The following C5 variants were observed in gnomAD, a reference collection of about 807,000 sequenced individuals.
C5 encodes C3 and PZP-like alpha-2-macroglobulin domain-containing protein 4.
C5 carries 140 observed loss-of-function variants against 218.8 expected under a neutral mutation model. The ratio of observed to expected loss-of-function variants is 0.64; its 90% confidence interval spans 0.56 to 0.74. The LOEUF is 0.74. Among genes scored for constraint, C5 ranks in the 30% least tolerant of loss-of-function variants. The pLI is 0.00. For synonymous variants in C5, 614 were observed against 682.3 expected (o/e 0.90, Z 1.56); for missense variants, 1,700 against 1,969.6 (o/e 0.86, Z 2.59).
the C5 span, among the ~76,000 whole-genome samples, chr9:121,063,606 A>G: frequency 6.6e-6 from 1 of 152,038 alleles, no homozygotes; most frequent in Non-Finnish European, 1.5e-5. Flanking sequence ...TTAAAACTGG[A>G]ATTTAAAAAA....
At position 120,982,727 on chromosome 9, in the gene C5, C is replaced by A; in HGVS notation, c.3318G>T (p.Trp1106Cys). ...TATCTAATTGATAATTCTCAACTAG[C>A]CACAATAAAGAATTACAAATTGAAT... The part of the protein sequence containing the change: ...NQNSICNSLL[W>C]LVENYQLDNG... The change falls in exon 26 of 41, where the codon TGG becomes TGT. Residue 1106 changes from tryptophan to cysteine, a missense_variant. Coordinates refer to ENST00000223642, the MANE Select transcript of C5 (RefSeq NM_001735.3). The A allele has an allele frequency of 1.9e-6, 3 of 1,602,856 alleles. No homozygotes were observed. Among genetic ancestry groups the A allele is most frequent in the Non-Finnish European group, 2.6e-6 (3 of 1,170,278 alleles).
At chr9:120,974,696 T>C (rs1014468363) in intron 30 of C5, 83 bp downstream of exon 30, 11 of 1,259,274 alleles carry the variant, frequency 8.7e-6, no homozygotes, top group Middle Eastern at 2.0e-4. Flanking sequence ...AGTGAAGAGA[T>C]AGATTTATAA....
intron 20 of C5, among the ~76,000 whole-genome samples, chr9:121,005,649 C>A (rs141159516): frequency 6.9e-4 from 105 of 152,206 alleles, no homozygotes; most frequent in Non-Finnish European, 1.1e-3. Flanking sequence ...ATGAATTCAC[C>A]CTTCTCTGGA....
the C5 span, among the ~76,000 whole-genome samples, chr9:121,065,340 G>T: frequency 6.6e-6 from 1 of 152,114 alleles, no homozygotes. Context: ...AGAAAATTGC[G>T]GAGAAAATTG....
intron 7 of C5, among the ~76,000 whole-genome samples, chr9:121,028,611 G>T (rs184509938): frequency 6.6e-6 from 1 of 152,096 alleles, no homozygotes; most frequent in South Asian, 2.1e-4. Flanking sequence ...ACCAAATGCC[G>T]CATGTTCTCA....
intron 3 of C5, among the ~76,000 whole-genome samples, chr9:121,038,799 A>G (rs2047552250): frequency 1.3e-5 from 2 of 152,258 alleles, no homozygotes; most frequent in African/African-American, 4.8e-5. Flanking sequence ...AAAGCTCTAT[A>G]TAAGAAGCCA....
intron 30 of C5, among the ~76,000 whole-genome samples, chr9:120,973,301 C>G (rs868723148): frequency 1.2e-4 from 18 of 152,144 alleles, no homozygotes; most frequent in Middle Eastern, 3.2e-3. Flanking sequence ...CCTCAGGTAG[C>G]TGGAAGGTCA....
chr9:120,963,135 A>T (rs573129443), intron 34 of C5, among the ~76,000 whole-genome samples, 168 bp from the exon 35 acceptor site: 1 of 152,246 alleles, frequency 6.6e-6, no homozygotes, highest in Non-Finnish European at 1.5e-5. Context: ...ATATAAACTC[A>T]TATTTTACAG....
intron 18 of C5, among the ~76,000 whole-genome samples, chr9:121,007,626 G>A (rs2047226412): frequency 6.6e-6 from 1 of 152,188 alleles, no homozygotes; most frequent in Non-Finnish European, 1.5e-5. Context: ...ACAGTAATCT[G>A]AATTTAGTTC....
intron 2 of C5, 63 bp from the exon 3 acceptor site, chr9:121,043,229 T>G: frequency 1.6e-6 from 2 of 1,285,386 alleles, no homozygotes; most frequent in South Asian, 1.3e-5. Context: ...CCATTAACTT[T>G]CTAAATACAA....
intron 20 of C5, among the ~76,000 whole-genome samples, chr9:121,004,245 CTAA>C (rs1026037778): frequency 6.6e-6 from 1 of 151,868 alleles, no homozygotes; most frequent in African/African-American, 2.4e-5. Context: ...CAATAGTATA[CTAA>C]TAATAATATT....
intron 22 of C5, among the ~76,000 whole-genome samples, chr9:120,991,507 T>C (rs749341080): frequency 2.0e-5 from 3 of 152,230 alleles, no homozygotes; most frequent in Non-Finnish European, 4.4e-5. Context: ...TTCCTGGTCA[T>C]TATAAGATGT....
chr9:121,007,575 AC>A (rs1192596423), intron 18 of C5, among the ~76,000 whole-genome samples: 1 of 152,246 alleles, frequency 6.6e-6, no homozygotes, highest in African/African-American at 2.4e-5. Context: ...TTCGTTCAAC[AC>A]ATTTATTTTC....
intron 21 of C5, 62 bp from the exon 22 acceptor site, chr9:120,996,362 G>T: frequency 7.0e-7 from 1 of 1,435,784 alleles, no homozygotes; most frequent in Non-Finnish European, 9.8e-7. Context: ...GAATTCCCTG[G>T]ATCAACTTTT....
At chr9:120,959,644 A>G (rs1386864436) in intron 38 of C5, among the ~76,000 whole-genome samples, 1 of 152,188 alleles carries the variant, frequency 6.6e-6, no homozygotes, top group East Asian at 1.9e-4. Context: ...CCAGCAATAA[A>G]CATCAAAAAC....
At chr9:120,988,747 T>C (rs539320225) in intron 25 of C5, among the ~76,000 whole-genome samples, 1 of 152,296 alleles carries the variant, frequency 6.6e-6, no homozygotes, top group Admixed American at 6.5e-5. Flanking sequence ...GAGTATATAC[T>C]GAAGAGGATC....
chr9:120,979,771 C>A, intron 28 of C5: 1 of 334,484 alleles, frequency 3.0e-6, no homozygotes. Context: ...ACCTGTAGTC[C>A]CAGCTACTGA....
At chr9:120,998,576 T>C (rs1008602630) in intron 20 of C5, among the ~76,000 whole-genome samples, 4 of 152,214 alleles carry the variant, frequency 2.6e-5, no homozygotes, top group Non-Finnish European at 5.9e-5. Flanking sequence ...CAGCTTACTT[T>C]TCTAATTTTA....
chr9:120,990,426 A>G (rs1229460925), intron 23 of C5, among the ~76,000 whole-genome samples: 4 of 152,238 alleles, frequency 2.6e-5, no homozygotes, highest in Admixed American at 2.0e-4. Context: ...TTGAATGTAT[A>G]TGTCTCTCCA....
Sources: allele counts gnomAD v4.1 joint callset (sites outside exome capture counted in the v4.1 genomes callset), GRCh38; gene constraint gnomAD v4.1.1; transcripts MANE v1.5; gene names NCBI Gene and HGNC (gene_info 2026-07-23, HGNC 2026-07-21).